Variants in METTL15 observed in about 807,000 individuals in gnomAD.
The protein encoded by METTL15 is 12S rRNA N(4)-cytidine methyltransferase METTL15.
METTL15 carries 34 observed loss-of-function variants against 38.3 expected under a neutral mutation model. The observed-to-expected ratio is 0.89, with a 90% CI of 0.68 to 1.18. The LOEUF (loss-of-function observed/expected upper bound fraction) is 1.18. Among genes scored for constraint, METTL15 ranks in the 50% most tolerant of loss-of-function variants. The pLI, the probability that METTL15 is intolerant of heterozygous loss-of-function variation, is 0.00. For synonymous variants in METTL15, 162 were observed against 170.9 expected (o/e 0.95, Z 0.41); for missense variants, 438 against 498.4 (o/e 0.88, Z 1.15).
chr11:28,155,304 A>G (rs1850226031), intron 3 of METTL15, among the ~76,000 whole-genome samples: 1 of 152,180 alleles, frequency 6.6e-6, no homozygotes. Context: ...TGAAGAAAAA[A>G]CAACTAACTT....
chr11:28,236,241 T>C (rs2133893095), intron 4 of METTL15, among the ~76,000 whole-genome samples: 1 of 152,302 alleles, frequency 6.6e-6, no homozygotes, highest in African/African-American at 2.4e-5. Context: ...GCATCAATGT[T>C]CATCAAGGAT....
chr11:28,330,671 A>C lies in METTL15; in HGVS notation c.1054A>C (p.Lys352Gln), dbSNP rs1296220639. 1.9e-6 allele frequency: 3 copies of C among 1,551,466 alleles called. No homozygotes were observed. The South Asian group carries it at 3.6e-5, about 18-fold the overall frequency. The stretch of plus-strand genomic sequence containing the variant: ...CCTAAGTGTTAGACAACAAGTGATG[A>C]AAACATCTCAATTGGGTTCAGATCA... The part of the protein sequence containing the change: ...FNLSVRQQVM[K>Q]TSQLGSDHEN... Residue 352 changes from lysine to glutamine, a missense_variant, in exon 7 of 7, where the codon AAA becomes CAA. By Grantham distance (53) the Lys-to-Gln change is moderately conservative (BLOSUM62 1). Transcript: ENST00000407364.
intron 6 of METTL15, among the ~76,000 whole-genome samples, chr11:28,484,571 TG>T (rs1199377329): frequency 2.0e-5 from 3 of 152,190 alleles, no homozygotes; most frequent in Non-Finnish European, 4.4e-5. Context: ...TCTAGTCTGA[TG>T]TTCCTCTGGG....
chr11:28,243,662 C>G (rs1854394215), intron 4 of METTL15, among the ~76,000 whole-genome samples: 1 of 152,090 alleles, frequency 6.6e-6, no homozygotes, highest in African/African-American at 2.4e-5. Context: ...ATTATGATAG[C>G]ACTGTATAAA....
chr11:28,253,647 C>T (rs1344706366), intron 4 of METTL15, among the ~76,000 whole-genome samples: 1 of 148,402 alleles, frequency 6.7e-6, no homozygotes, highest in Non-Finnish European at 1.5e-5. Context: ...GCCAACTACC[C>T]TTCTCAGTCT....
At chr11:28,217,513 G>A (rs1374444599) in intron 4 of METTL15, among the ~76,000 whole-genome samples, 1 of 152,074 alleles carries the variant, frequency 6.6e-6, no homozygotes. Context: ...TAGGTTGCCT[G>A]TTCACTCTGA....
In METTL15 at chr11:28,187,481, A is replaced by G. The variant is rs886440059; in HGVS notation, c.271-23581A>G. Among the ~76,000 whole-genome samples, 119 of 149,400 alleles carry G rather than the reference A, an allele frequency of 8.0e-4. 1 individual carries two copies. Among genetic ancestry groups the G allele is most frequent in the Admixed American group, 2.1e-3 (32 of 14,934 alleles). ...AGAAGGACTGAAAAGGGGAAAGCGT[A>G]TTGGACAGTACCTGGTACATAAGAA... On this transcript the variant is annotated intron_variant, in intron 3 of 6. Coordinates refer to ENST00000407364, the MANE Select transcript of METTL15 (RefSeq NM_001113528.2).
intron 3 of METTL15, among the ~76,000 whole-genome samples, chr11:28,146,775 C>T (rs972609508): frequency 5.9e-5 from 9 of 151,804 alleles, no homozygotes; most frequent in African/African-American, 1.2e-4. Flanking sequence ...TTAGATGTTA[C>T]GTTTTACTTA....
chr11:28,233,105 T>A (rs1853759385), intron 4 of METTL15, among the ~76,000 whole-genome samples: 4 of 152,072 alleles, frequency 2.6e-5, no homozygotes, highest in Admixed American at 2.0e-4. Context: ...TCTAATTTCA[T>A]GAATATAGTT....
chr11:28,222,711 T>A (rs920032020), intron 4 of METTL15, among the ~76,000 whole-genome samples: 2 of 152,170 alleles, frequency 1.3e-5, no homozygotes, highest in African/African-American at 4.8e-5. Flanking sequence ...CTGAGAAACT[T>A]CTTTAGACTA....
intron 5 of METTL15, among the ~76,000 whole-genome samples, chr11:28,399,978 G>C (rs1320255366): frequency 1.3e-5 from 2 of 151,888 alleles, no homozygotes; most frequent in Non-Finnish European, 2.9e-5. Flanking sequence ...TGTAATATTT[G>C]TATGAACTTT....
At chr11:28,211,719 T>C (rs931772986) in intron 4 of METTL15, among the ~76,000 whole-genome samples, 1 of 152,012 alleles carries the variant, frequency 6.6e-6, no homozygotes, top group Non-Finnish European at 1.5e-5. Context: ...TATAAAATAT[T>C]ATATGAATGA....
At chr11:28,128,557 A>G (rs969678289) in intron 3 of METTL15, among the ~76,000 whole-genome samples, 1 of 152,120 alleles carries the variant, frequency 6.6e-6, no homozygotes, top group Non-Finnish European at 1.5e-5. Context: ...TTTTAATGCT[A>G]GTGATAGAAA....
At chr11:28,336,454 A>G (rs528220771), downstream of METTL15, among the ~76,000 whole-genome samples, 1 of 151,654 alleles carries the variant, frequency 6.6e-6, no homozygotes, top group East Asian at 1.9e-4. Flanking sequence ...GGACTATGAA[A>G]GAGTTTTCTA....
intron 4 of METTL15, among the ~76,000 whole-genome samples, chr11:28,353,294 C>T (rs1305041039): frequency 6.6e-6 from 1 of 152,054 alleles, no homozygotes; most frequent in African/African-American, 2.4e-5. Flanking sequence ...TACCTATTGA[C>T]AAGGAGCCAT....
chr11:28,234,808 A>C lies in METTL15; in HGVS notation c.407+23610A>C, dbSNP rs866075770. 3.7e-4 allele frequency among the ~76,000 whole-genome samples: 54 copies of C among 144,170 alleles called. No individual in the cohort carries two copies. The South Asian group carries it at 9.4e-3, about 25-fold the overall frequency. The allele number at this position is 144,170 out of a possible 152,430, so 94.6% of individuals were successfully genotyped here. ...TTGCTGTGCAGAAGCTCTTTAGTTT[A>C]ATTAGATCCCATTTGTCAATTTTGG... On this transcript the variant is annotated intron_variant, in intron 4 of 6. Transcript: ENST00000407364.
At chr11:28,363,403 G>A (rs991804841) in intron 5 of METTL15, among the ~76,000 whole-genome samples, 2 of 151,978 alleles carry the variant, frequency 1.3e-5, no homozygotes, top group African/African-American at 4.8e-5. Flanking sequence ...TTGAACTCCC[G>A]ATCCGTGATC....
intron 3 of METTL15, among the ~76,000 whole-genome samples, chr11:28,193,404 A>G (rs1851772905): frequency 6.6e-6 from 1 of 152,108 alleles, no homozygotes; most frequent in African/African-American, 2.4e-5. Context: ...AGGAAGAGAG[A>G]GAAGGTGGAG....
At chr11:28,281,426 T>A (rs1349538888) in intron 4 of METTL15, among the ~76,000 whole-genome samples, 6 of 152,180 alleles carry the variant, frequency 3.9e-5, no homozygotes, top group Admixed American at 3.9e-4. Context: ...TGCAAATAAG[T>A]AGGCCATTAG....
Sources: gnomAD v4.1 joint callset for allele counts (sites outside exome capture counted in the v4.1 genomes callset) on GRCh38, gnomAD v4.1.1 for gene constraint, MANE v1.5 for transcripts, NCBI Gene and HGNC (gene_info 2026-07-23, HGNC 2026-07-21) for gene names.